The following DMD variants were observed in gnomAD, a reference collection of about 807,000 sequenced individuals.
The protein encoded by DMD is mutant dystrophin.
A neutral mutation model predicts 330.1 loss-of-function variants in DMD; 63 were observed. That is an observed-to-expected ratio of 0.19 (90% CI 0.16 to 0.24). DMD has a LOEUF of 0.24. Ranked by LOEUF, DMD falls within the 10% of genes least tolerant of loss-of-function variation. DMD has a pLI of 1.00. For missense variants in DMD, 3,344 were observed against 2,684.1 expected, an observed-to-expected ratio of 1.25 and a Z score of -5.43; for synonymous variants, 1,223 against 959.8, an observed-to-expected ratio of 1.27 and a Z score of -5.07.
intron 55 of DMD, among the ~76,000 whole-genome samples, chrX:31,553,967 A>G (rs1427437437): frequency 4.4e-5 from 5 of 112,674 alleles, no homozygotes; most frequent in Non-Finnish European, 9.4e-5. Flanking sequence ...TTGATTTTCA[A>G]TGAATACATA....
At chrX:31,606,436 C>T (rs749925123) in intron 55 of DMD, among the ~76,000 whole-genome samples, 14 of 111,861 alleles carry the variant, frequency 1.3e-4, no homozygotes, top group African/African-American at 3.9e-4. Context: ...TAACACACAA[C>T]GTACAATGTT....
chrX:32,481,259 G>A (rs1261999551), intron 21 of DMD, among the ~76,000 whole-genome samples: 9 of 110,895 alleles, frequency 8.1e-5, no homozygotes, highest in Admixed American at 7.7e-4. Context: ...CCTCTTCAAG[G>A]GTTGAAATGA....
chrX:32,670,576 G>A (rs923101446), intron 9 of DMD, among the ~76,000 whole-genome samples: 6 of 111,650 alleles, frequency 5.4e-5, no homozygotes, highest in Non-Finnish European at 9.4e-5. Flanking sequence ...CTGCCATATT[G>A]TAAGTGTACA....
intron 9 of DMD, among the ~76,000 whole-genome samples, chrX:32,679,992 G>A (rs965731265): frequency 9.2e-5 from 8 of 87,259 alleles, no homozygotes; most frequent in Admixed American, 3.4e-4. Context: ...TCGGCTCACT[G>A]CAACCTCCGC....
At chrX:31,345,539 T>C (rs890662167) in intron 61 of DMD, among the ~76,000 whole-genome samples, 19 of 111,748 alleles carry the variant, frequency 1.7e-4, no homozygotes, top group African/African-American at 4.9e-4. Flanking sequence ...TATGAATGAA[T>C]ATACCTGGTG....
intron 62 of DMD, among the ~76,000 whole-genome samples, chrX:31,281,149 G>C (rs1026742416): frequency 8.9e-6 from 1 of 111,917 alleles, no homozygotes; most frequent in African/African-American, 3.2e-5. Flanking sequence ...AAACAGCCAT[G>C]TGCAAAGGCA....
At chrX:31,424,661 A>C (rs372460944) in intron 60 of DMD, among the ~76,000 whole-genome samples, 1 of 112,550 alleles carries the variant, frequency 8.9e-6, no homozygotes, top group Non-Finnish European at 1.9e-5. Flanking sequence ...AACAGAAGAT[A>C]TATTTGTCAC....
chrX:32,765,570 A>G (rs1003419320), intron 7 of DMD, among the ~76,000 whole-genome samples: 1 of 111,791 alleles, frequency 8.9e-6, no homozygotes, highest in African/African-American at 3.3e-5. Context: ...GCAAGAATGG[A>G]CTAACATATA....
chrX:31,717,073 A>G (rs1293167405), intron 52 of DMD, among the ~76,000 whole-genome samples: 1 of 111,582 alleles, frequency 9.0e-6, no homozygotes, highest in Non-Finnish European at 1.9e-5. Context: ...TAAGGACAAT[A>G]TCTACCATAG....
intron 34 of DMD, among the ~76,000 whole-genome samples, chrX:32,374,672 T>C (rs997390218): frequency 2.7e-5 from 3 of 111,905 alleles, no homozygotes; most frequent in Non-Finnish European, 5.6e-5. Flanking sequence ...GGTGTCTATA[T>C]CTGTAATAGT....
intron 60 of DMD, among the ~76,000 whole-genome samples, chrX:31,366,265 G>A (rs1039662151): frequency 9.1e-6 from 1 of 109,573 alleles, no homozygotes; most frequent in Non-Finnish European, 1.9e-5. Context: ...GGTCGTGGAT[G>A]TCTCAGGCTA....
At chrX:33,137,558 T>C (rs2095534666) in intron 1 of DMD, among the ~76,000 whole-genome samples, 1 of 112,340 alleles carries the variant, frequency 8.9e-6, no homozygotes, top group South Asian at 3.7e-4. Context: ...CATGTTCTTA[T>C]ATTTACCCAT....
chrX:32,964,795 GT>G (rs1434041061), intron 2 of DMD, among the ~76,000 whole-genome samples: 5 of 112,116 alleles, frequency 4.5e-5, no homozygotes, highest in Non-Finnish European at 9.4e-5. Context: ...GTATATCATT[GT>G]TTTGCAACTC....
intron 4 of DMD, among the ~76,000 whole-genome samples, chrX:32,830,572 C>T (rs1250175467): frequency 9.0e-6 from 1 of 110,751 alleles, no homozygotes; most frequent in African/African-American, 3.3e-5. Flanking sequence ...CTGTTTTGCA[C>T]AATGAAAACA....
At chrX:31,133,031 G>A (rs1317714599) in intron 77 of DMD, among the ~76,000 whole-genome samples, 1 of 112,126 alleles carries the variant, frequency 8.9e-6, no homozygotes, top group African/African-American at 3.2e-5. Context: ...TGCTTTTAAT[G>A]TGCACTGCAC....
At chrX:33,125,087 A>G (rs147503785) in intron 1 of DMD, among the ~76,000 whole-genome samples, 1,385 of 108,451 alleles carry the variant, frequency 0.013, 27 homozygotes, top group African/African-American at 0.043. Flanking sequence ...AATTAATGTC[A>G]TAAATCTTAT....
intron 12 of DMD, among the ~76,000 whole-genome samples, chrX:32,599,906 T>C (rs906014331): frequency 8.4e-4 from 94 of 112,124 alleles, no homozygotes; most frequent in African/African-American, 2.9e-3. Context: ...TGTCAAATAA[T>C]GTATTTTTTT....
chrX:31,769,061 C>A lies in DMD; in HGVS notation c.7542+4899G>T, dbSNP rs1268212102. The stretch of plus-strand genomic sequence containing the variant: ...TTTCTAAAATAATACTTTAATCAAG[C>A]AATACATACTAAAGGGGACCATAAG... On this transcript the variant is annotated intron_variant, in intron 51 of 78. Coordinates refer to ENST00000357033, the MANE Select transcript of DMD (RefSeq NM_004006.3). 4.5e-5 allele frequency among the ~76,000 whole-genome samples: 5 copies of A among 111,837 alleles called. No homozygotes were observed. The Admixed American group carries it at 4.7e-4, about 11-fold the overall frequency.
rs59933552 is a variant in DMD at position 31,270,188 on chromosome X, G to T, written c.9225-9172C>A. 5.0e-3 allele frequency among the ~76,000 whole-genome samples: 497 copies of T among 99,497 alleles called. 4 individuals are homozygous for T. Among genetic ancestry groups the T allele is most frequent in the African/African-American group, 0.017 (477 of 27,417 alleles). 86.4% of individuals were successfully genotyped at this position (99,497 alleles called of 115,157 possible). A position where few individuals can be genotyped will look rare whatever the true frequency, so the allele number is the denominator to read the frequency against. ...TTTGGGCAAAAGTTTACCATTCCTT[G>T]TTTTTTTTTTTTTCTCCTAGCCTGC... On this transcript the variant is annotated intron_variant, in intron 62 of 78. Transcript: ENST00000357033.
Sources: gnomAD v4.1 joint callset for allele counts (sites outside exome capture counted in the v4.1 genomes callset) on GRCh38, gnomAD v4.1.1 for gene constraint, MANE v1.5 for transcripts, NCBI Gene and HGNC (gene_info 2026-07-23, HGNC 2026-07-21) for gene names.